The following SPATA13 variants were observed in gnomAD, a reference collection of about 807,000 sequenced individuals.
The protein encoded by SPATA13 is spermatogenesis associated 13.
A neutral mutation model predicts 104.0 loss-of-function variants in SPATA13; 50 were observed. The observed-to-expected ratio is 0.48, with a 90% CI of 0.38 to 0.61. The LOEUF is 0.61. SPATA13 is among the 20% of genes least tolerant of loss of function. The pLI, the probability that SPATA13 is intolerant of heterozygous loss-of-function variation, is 0.00. For missense variants in SPATA13, 1,524 were observed against 1,690.6 expected (o/e 0.90, Z 1.73); for synonymous variants, 606 against 667.5 (o/e 0.91, Z 1.42).
At chr13:24,110,168 G>T (rs1880591990) in intron 3 of SPATA13, among the ~76,000 whole-genome samples, 1 of 151,736 alleles carries the variant, frequency 6.6e-6, no homozygotes, top group Non-Finnish European at 1.5e-5. Flanking sequence ...CAGAGGAAGT[G>T]GGAGCAGTAA....
chr13:24,278,251 G>A (rs1453904698), intron 4 of SPATA13, among the ~76,000 whole-genome samples: 2 of 152,162 alleles, frequency 1.3e-5, no homozygotes. Context: ...AGAGTTAGAT[G>A]GCCTGAGCCT....
Position 24,290,796 on chromosome 13 carries a change from G to A in SPATA13, c.2992G>A (p.Asp998Asn), listed in dbSNP as rs1876297656. The change falls in exon 9 of 13, where the codon GAC becomes AAC. Residue 998 changes from aspartate (D) to asparagine (N), a missense_variant. Asp to Asn is a conservative substitution (Grantham distance 23). Coordinates refer to ENST00000382108, the MANE Select transcript of SPATA13 (RefSeq NM_001166271.3). ...LLQQMIDIAIDGFLLTPVQKI... is the reference protein window; with the variant it reads ...LLQQMIDIAINGFLLTPVQKI... Reference sequence around the variant, plus strand: ...GCAGCAGATGATTGACATCGCCATCGACGGGTTCCTGCTCACACCAGTGCA... The same window carrying A: ...GCAGCAGATGATTGACATCGCCATCAACGGGTTCCTGCTCACACCAGTGCA... The A allele has an allele frequency of 7.4e-6, 12 of 1,614,174 alleles. No individual in the cohort carries two copies. Among genetic ancestry groups the A allele is most frequent in the South Asian group, 1.1e-5 (1 of 91,078 alleles).
At chr13:24,221,564 G>C (rs558505694) in intron 1 of SPATA13, among the ~76,000 whole-genome samples, 6 of 152,058 alleles carry the variant, frequency 3.9e-5, no homozygotes, top group Non-Finnish European at 7.4e-5. Context: ...TGCATGATGG[G>C]GAAAGCATGG....
At chr13:24,046,224 T>TCAC (rs2137735401) in intron 3 of SPATA13, among the ~76,000 whole-genome samples, 1 of 152,014 alleles carries the variant, frequency 6.6e-6, no homozygotes, top group African/African-American at 2.4e-5. Context: ...CCTCCTCCTG[T>TCAC]CACCTCCTAG....
At chr13:24,300,626 G>T in intron 12 of SPATA13, 151 bp downstream of exon 12, 2 of 686,492 alleles carry the variant, frequency 2.9e-6, no homozygotes, top group Non-Finnish European at 2.6e-6. Flanking sequence ...CAGGGGCCAG[G>T]TGAAGGTGGC....
chr13:24,219,506 G>A (rs1489179972), intron 1 of SPATA13, among the ~76,000 whole-genome samples: 1 of 152,184 alleles, frequency 6.6e-6, no homozygotes, highest in Non-Finnish European at 1.5e-5. Flanking sequence ...ACCTTGGTAC[G>A]GATTAGACAA....
chr13:24,060,010 T>C lies in SPATA13; in HGVS notation c.-112+42309T>C, dbSNP rs895173234. Among the ~76,000 whole-genome samples the C allele has an allele frequency of 2.0e-5, 3 of 152,300 alleles. 1 individual carries two copies. Among genetic ancestry groups the C allele is most frequent in the Admixed American group, 2.0e-4 (3 of 15,288 alleles). ...TGTATATGGCTCTTTTATTTTGAGG[T>C]ATGTTCCTTCAATACCTGGTTTATT... On this transcript the variant is annotated intron_variant, in intron 3 of 14. Transcript: ENST00000424834.
intron 12 of SPATA13, among the ~76,000 whole-genome samples, chr13:24,301,061 A>AC (rs1294009184): frequency 6.6e-6 from 1 of 152,170 alleles, no homozygotes; most frequent in Non-Finnish European, 1.5e-5. Context: ...CAGGCCGCAT[A>AC]CCCAGGGGCT....
At chr13:24,062,510 TG>T (rs1878806645) in intron 3 of SPATA13, among the ~76,000 whole-genome samples, 1 of 152,110 alleles carries the variant, frequency 6.6e-6, no homozygotes, top group Non-Finnish European at 1.5e-5. Context: ...TCTGTGAACC[TG>T]GGTCACCTCA....
intron 1 of SPATA13, among the ~76,000 whole-genome samples, chr13:24,201,451 C>CT (rs67729020): frequency 2.0e-5 from 3 of 151,742 alleles, no homozygotes; most frequent in African/African-American, 7.3e-5. Flanking sequence ...AGAGTTCACT[C>CT]TTTTTTTTGA....
intron 4 of SPATA13, among the ~76,000 whole-genome samples, chr13:24,266,005 G>A (rs1459278240): frequency 2.0e-5 from 3 of 152,128 alleles, no homozygotes; most frequent in Non-Finnish European, 4.4e-5. Flanking sequence ...TATCAGAAAT[G>A]TGGAGCTCAA....
At chr13:24,180,845 G>C (rs1868756846) in intron 1 of SPATA13, among the ~76,000 whole-genome samples, 1 of 152,072 alleles carries the variant, frequency 6.6e-6, no homozygotes, top group Non-Finnish European at 1.5e-5. Flanking sequence ...TAATGACAGG[G>C]ATACGTTCTG....
At chr13:23,997,282 A>G (rs904648619) in intron 2 of SPATA13, among the ~76,000 whole-genome samples, 9 of 152,206 alleles carry the variant, frequency 5.9e-5, no homozygotes, top group African/African-American at 1.4e-4. Flanking sequence ...ACTCACCACA[A>G]TCAAAACCAT....
At chr13:24,112,401 C>T (rs191960882) in intron 3 of SPATA13, among the ~76,000 whole-genome samples, 107 of 152,312 alleles carry the variant, frequency 7.0e-4, no homozygotes, top group African/African-American at 2.5e-3. Flanking sequence ...CAATCCTACA[C>T]GTGTTTTATC....
rs542608717 is a variant in SPATA13, at chr13:24,168,404, G to A, written c.-112+7472G>A. Among the ~76,000 whole-genome samples, 7 of 152,276 alleles carry A rather than the reference G, an allele frequency of 4.6e-5. No individual in the cohort carries two copies. In the South Asian group the frequency reaches 1.0e-3, roughly 23 times the overall value. ...GTGAAAAAGATAGATTATGTTTTTGGTTTTGTTTTGCCCTGCCAGCTTCCA... is the reference window on the plus strand; with the variant it reads ...GTGAAAAAGATAGATTATGTTTTTGATTTTGTTTTGCCCTGCCAGCTTCCA... On this transcript the variant is annotated intron_variant, in intron 1 of 12. Coordinates refer to ENST00000382108, the MANE Select transcript of SPATA13 (RefSeq NM_001166271.3).
At chr13:24,084,334 A>C (rs1879650131) in intron 3 of SPATA13, among the ~76,000 whole-genome samples, 2 of 152,142 alleles carry the variant, frequency 1.3e-5, no homozygotes, top group South Asian at 4.1e-4. Context: ...AGGAAGGAGG[A>C]GCTGAGCCCG....
chr13:24,067,026 C>T (rs763408041), intron 3 of SPATA13, among the ~76,000 whole-genome samples: 2 of 152,176 alleles, frequency 1.3e-5, no homozygotes, highest in Non-Finnish European at 2.9e-5. Flanking sequence ...CCTCAGTATA[C>T]CCAGTTCAGA....
chr13:24,161,027 T>A lies in SPATA13; in HGVS notation c.-112+95T>A, dbSNP rs150582894. ...AGGATTTGAGTCCCAGTGGACTGCC[T>A]CGGGGCTTCGGGATGTCCAGCTCCC... On this transcript the variant is annotated intron_variant, in intron 1 of 12. Transcript: ENST00000382108. This position sits in a 1 kb window ranked among gnomAD's most constrained non-coding sequence, Gnocchi z 4.5. 2.8e-4 allele frequency: 210 copies of A among 743,136 alleles called. 1 individual carries two copies. The highest frequency in any genetic ancestry group is 1.4e-3 in the Middle Eastern group (2 of 1,468). 46.0% of individuals were successfully genotyped at this position (743,136 alleles called of 1,614,324 possible). A position where few individuals can be genotyped will look rare whatever the true frequency, so the allele number is the denominator to read the frequency against.
intron 2 of SPATA13, among the ~76,000 whole-genome samples, chr13:24,228,474 A>G (rs747052483): frequency 7.9e-5 from 12 of 152,214 alleles, no homozygotes; most frequent in Non-Finnish European, 1.6e-4. Flanking sequence ...CCCATAACTT[A>G]TACATTGCAT....
Sources: gnomAD v4.1 joint callset for allele counts (sites outside exome capture counted in the v4.1 genomes callset) on GRCh38, gnomAD v4.1.1 for gene constraint, Gnocchi (gnomAD v3.1) non-coding constraint, MANE v1.5 for transcripts, NCBI Gene and HGNC (gene_info 2026-07-23, HGNC 2026-07-21) for gene names.